TLE1: variants seen among roughly 807,000 people sequenced by gnomAD.
The protein encoded by TLE1 is transducin-like enhancer protein 1.
In TLE1, 21 loss-of-function variants were observed where a neutral mutation model predicts 89.8. That is an observed-to-expected ratio of 0.23 (90% confidence interval 0.17 to 0.34). The LOEUF (loss-of-function observed/expected upper bound fraction) is 0.34. Ranked by LOEUF, TLE1 falls within the 10% of genes least tolerant of loss-of-function variation. TLE1 has a pLI of 1.00. For synonymous variants in TLE1, 447 were observed against 407.6 expected (o/e 1.10, Z -1.16); for missense variants, 795 against 1,031.2 (o/e 0.77, Z 3.14).
At chr9:81,626,963 A>C (rs1010614417) in intron 8 of TLE1, among the ~76,000 whole-genome samples, 3 of 152,110 alleles carry the variant, frequency 2.0e-5, no homozygotes, top group African/African-American at 7.2e-5. Flanking sequence ...CAAAATCTCT[A>C]TGTCAAAGCT....
intron 4 of TLE1, among the ~76,000 whole-genome samples, chr9:81,660,498 A>G (rs1283219303): frequency 1.3e-5 from 2 of 151,720 alleles, no homozygotes; most frequent in Non-Finnish European, 2.9e-5. Context: ...ACTGCAAGCT[A>G]TGCCTCCTGG....
intron 8 of TLE1, among the ~76,000 whole-genome samples, chr9:81,624,083 T>C (rs1041533407): frequency 1.1e-4 from 16 of 152,140 alleles, no homozygotes; most frequent in African/African-American, 2.7e-4. Context: ...CATGGAACAC[T>C]TGTACCCAAA....
intron 12 of TLE1, chr9:81,612,243 C>A (rs870713): frequency 0.55 from 560,572 of 1,011,026 alleles, 161,566 homozygotes; most frequent in East Asian, 0.9. Flanking sequence ...AGAGTATTCC[C>A]TACCCAATTT....
intron 17 of TLE1, 152 bp from the exon 18 acceptor site, chr9:81,585,807 G>A (rs1256525640): frequency 2.1e-5 from 19 of 891,774 alleles, no homozygotes; most frequent in Middle Eastern, 2.5e-4. Context: ...GTGATCTAAC[G>A]CAGATGAACC....
chr9:81,678,586 ACGTGG>A (rs1373341166), intron 4 of TLE1, among the ~76,000 whole-genome samples: 2 of 152,108 alleles, frequency 1.3e-5, no homozygotes, highest in Non-Finnish European at 2.9e-5. Flanking sequence ...AGGCTGAGGC[ACGTGG>A]CTCACTTGAA....
intron 4 of TLE1, among the ~76,000 whole-genome samples, chr9:81,678,259 A>G (rs1833150736): frequency 6.6e-6 from 1 of 152,172 alleles, no homozygotes; most frequent in East Asian, 1.9e-4. Context: ...TACAGTCTAG[A>G]GTACAGAGGT....
intron 4 of TLE1, among the ~76,000 whole-genome samples, chr9:81,655,852 CAAA>C (rs5898754): frequency 1.3e-4 from 16 of 126,996 alleles, no homozygotes; most frequent in African/African-American, 9.1e-5. Flanking sequence ...GACCCTGTCT[CAAA>C]AAAAAAAAAA....
chr9:81,597,277 A>T (rs1351008919), intron 14 of TLE1, among the ~76,000 whole-genome samples: 1 of 150,202 alleles, frequency 6.7e-6, no homozygotes, highest in Admixed American at 6.7e-5. Context: ...CACCACCACG[A>T]CTTAAAAAAA....
At chr9:81,638,759 G>C (rs890952410) in intron 6 of TLE1, among the ~76,000 whole-genome samples, 1 of 151,834 alleles carries the variant, frequency 6.6e-6, no homozygotes, top group Non-Finnish European at 1.5e-5. Context: ...CAAATACCTG[G>C]GATTCCAGGT....
At position 81,686,843 on chromosome 9, in the gene TLE1, T is replaced by C. The variant is rs138149877; in HGVS notation, c.125+491A>G. On this transcript the variant is annotated intron_variant, in intron 2 of 19. Coordinates refer to ENST00000376499, the MANE Select transcript of TLE1 (RefSeq NM_005077.5). The stretch of plus-strand genomic sequence containing the variant: ...GTGAGCTTTCTTCTTTATACTATTA[T>C]ACCCACCTCCCTCACCATCACCAAT... 2.2e-3 allele frequency among the ~76,000 whole-genome samples: 339 copies of C among 152,292 alleles called. 1 individual carries two copies. Among genetic ancestry groups the C allele is most frequent in the African/African-American group, 7.4e-3 (308 of 41,574 alleles).
intron 4 of TLE1, among the ~76,000 whole-genome samples, chr9:81,674,714 C>T (rs1459162202): frequency 6.6e-6 from 1 of 152,082 alleles, no homozygotes; most frequent in African/African-American, 2.4e-5. Context: ...AGCTTTTCTG[C>T]GTTAAATAAA....
In TLE1 at chr9:81,615,479, C is replaced by CA. The variant is rs200888219; in HGVS notation, c.918+502dup. Among the ~76,000 whole-genome samples, 654 of 141,186 alleles carry CA rather than the reference C, an allele frequency of 4.6e-3. 7 individuals carry two copies. Among genetic ancestry groups the CA allele is most frequent in the Middle Eastern group, 0.026 (7 of 268 alleles). The allele number at this position is 141,186 out of a possible 152,430, so 92.6% of individuals were successfully genotyped here. On this transcript the variant is annotated intron_variant, in intron 11 of 19. Transcript: ENST00000376499. The stretch of plus-strand genomic sequence containing the variant: ...CTTTGGGAGGCTGAGGCGGGTGGAT[C>CA]AAAGAGGTCAGGAGTTCAAGACCAG...
chr9:81,688,095 G>A (rs1834594547), intron 1 of TLE1, 122 bp downstream of exon 1: 3 of 1,314,172 alleles, frequency 2.3e-6, no homozygotes, highest in East Asian at 2.7e-5. Flanking sequence ...GACCTCCCCA[G>A]CCTTACACCG....
chr9:81,594,071 T>G (rs1258075873), intron 14 of TLE1, among the ~76,000 whole-genome samples: 4 of 152,082 alleles, frequency 2.6e-5, no homozygotes, highest in Non-Finnish European at 5.9e-5. Context: ...ATATGGGAAC[T>G]CTCTGTAACT....
intron 6 of TLE1, among the ~76,000 whole-genome samples, chr9:81,646,175 G>T (rs1458312116): frequency 6.6e-6 from 1 of 152,154 alleles, no homozygotes; most frequent in Non-Finnish European, 1.5e-5. Context: ...AAAAGTAAAT[G>T]CTTCAACACT....
In TLE1 at chr9:81,593,075, C is replaced by A; in HGVS notation, c.1531G>T (p.Asp511Tyr). Reference sequence around the variant, plus strand: ...CTCTTATTGCCAGGGTGGCTGATGTCCCAGACCTTGACGCAGCCCTTCCCG... The same window carrying A: ...CTCTTATTGCCAGGGTGGCTGATGTACCAGACCTTGACGCAGCCCTTCCCG... ...TGGKGCVKVW[D>Y]ISHPGNKSPV... The change falls in exon 15 of 20, where the codon GAC becomes TAC. Residue 511 changes from aspartate (D) to tyrosine (Y), a missense_variant. By Grantham distance (160) the Asp-to-Tyr change is radical (BLOSUM62 -3). Transcript: ENST00000376499. The A allele has an allele frequency of 1.2e-6, 2 of 1,614,092 alleles. No homozygotes were observed. Among genetic ancestry groups the A allele is most frequent in the Non-Finnish European group, 1.7e-6 (2 of 1,180,000 alleles).
rs917722811 is a variant in TLE1 at position 81,613,061 on chromosome 9, C to T, written c.1063+316G>A. The stretch of plus-strand genomic sequence containing the variant: ...GGGGACAAGAGCAAGACTTTCGTCT[C>T]AAAGCCCAGGAGGCAGAGGTTGCAG... On this transcript the variant is annotated intron_variant, in intron 12 of 19. Coordinates refer to ENST00000376499, the MANE Select transcript of TLE1 (RefSeq NM_005077.5). Among the ~76,000 whole-genome samples the T allele has an allele frequency of 4.5e-4, 68 of 151,414 alleles. 1 individual carries two copies. Among genetic ancestry groups the T allele is most frequent in the African/African-American group, 1.5e-3 (62 of 41,100 alleles).
intron 15 of TLE1, among the ~76,000 whole-genome samples, chr9:81,592,507 G>T (rs754490152): frequency 6.6e-6 from 1 of 152,166 alleles, no homozygotes; most frequent in Non-Finnish European, 1.5e-5. Context: ...TGGCTGCCCC[G>T]GGTCTTTGCA....
At chr9:81,621,250 C>A (rs1342240721) in intron 8 of TLE1, among the ~76,000 whole-genome samples, 1 of 152,152 alleles carries the variant, frequency 6.6e-6, no homozygotes, top group Non-Finnish European at 1.5e-5. Flanking sequence ...CTTTCATTCG[C>A]ATATGCCGAG....
Sources: gnomAD v4.1 joint callset for allele counts (sites outside exome capture counted in the v4.1 genomes callset) on GRCh38, gnomAD v4.1.1 for gene constraint, MANE v1.5 for transcripts, NCBI Gene and HGNC (gene_info 2026-07-23, HGNC 2026-07-21) for gene names.